Variants in ANKRD36 observed in about 807,000 individuals in gnomAD.
ANKRD36 encodes the protein ankyrin repeat domain-containing protein 36A.
A neutral mutation model predicts 278.1 loss-of-function variants in ANKRD36; 179 were observed. The observed-to-expected ratio is 0.64, with a 90% confidence interval of 0.57 to 0.73. The LOEUF is 0.73. Among genes scored for constraint, ANKRD36 ranks in the 30% least tolerant of loss-of-function variants. ANKRD36 has a pLI of 0.00. For synonymous variants in ANKRD36, 320 were observed against 641.1 expected, an observed-to-expected ratio of 0.50 and a Z score of 7.57; for missense variants, 1,159 against 1,956.7, an observed-to-expected ratio of 0.59 and a Z score of 7.69.
Position 97,149,278 on chromosome 2 carries a change from AT to A in ANKRD36, c.1035-16del. On this transcript the variant is annotated splice_polypyrimidine_tract_variant and intron_variant, in intron 11 of 75. Transcript: ENST00000420699. ...AAATGAATGAGCTCATTTTTGTAAT[AT>A]CTTTTTGCTCTGTAGGAGTCTCTAC... 6.5e-7 allele frequency: 1 copy of A among 1,530,892 alleles called. No individual in the cohort carries two copies. The allele number at this position is 1,530,892 out of a possible 1,614,324, so 94.8% of individuals were successfully genotyped here.
intron 36 of ANKRD36, among the ~76,000 whole-genome samples, chr2:97,192,485 A>G (rs1446592111): frequency 6.6e-6 from 1 of 151,708 alleles, no homozygotes; most frequent in African/African-American, 2.4e-5. Flanking sequence ...TGTTGCATGA[A>G]AGACATGTGG....
chr2:97,164,863 C>T lies in ANKRD36; in HGVS notation c.1531+394C>T, dbSNP rs549294726. ...CTTTACAATTGTTTTAGAACTTCAA[C>T]GCCTTTATTTCAGCGTTGTTACATT... is the stretch of plus-strand genomic sequence containing the variant. On this transcript the variant is annotated intron_variant, in intron 20 of 75. Transcript: ENST00000420699. Among the ~76,000 whole-genome samples the T allele has an allele frequency of 1.7e-3, 256 of 152,102 alleles. 7 individuals are homozygous for T. The South Asian group carries it at 0.042, about 25-fold the overall frequency.
intron 24 of ANKRD36, 144 bp from the exon 25 acceptor site, chr2:97,181,454 C>T (rs1201970739): frequency 1.7e-5 from 16 of 959,378 alleles, no homozygotes; most frequent in Non-Finnish European, 2.4e-5. Flanking sequence ...TGTCATGTTC[C>T]AGTCTCCAGA....
chr2:97,208,483 G>A (rs1430684409), intron 54 of ANKRD36, among the ~76,000 whole-genome samples: 1 of 146,426 alleles, frequency 6.8e-6, no homozygotes, highest in African/African-American at 2.7e-5. Context: ...AGGAAGGTGT[G>A]AAAAGAGGAA....
intron 6 of ANKRD36, among the ~76,000 whole-genome samples, chr2:97,132,407 A>T (rs2040412107): frequency 6.6e-6 from 1 of 150,888 alleles, no homozygotes. Flanking sequence ...TTAATCATCC[A>T]TATTCTCAAA....
chr2:97,256,832 TTG>T (rs1340492726), intron 75 of ANKRD36, among the ~76,000 whole-genome samples: 1 of 141,472 alleles, frequency 7.1e-6, no homozygotes, highest in Non-Finnish European at 1.5e-5. Flanking sequence ...GTTTTCATTT[TTG>T]TGTGTCTTAA....
At chr2:97,262,735 A>G (rs2076854449) in intron 75 of ANKRD36, among the ~76,000 whole-genome samples, 1 of 131,836 alleles carries the variant, frequency 7.6e-6, no homozygotes, top group African/African-American at 3.1e-5. Flanking sequence ...TTCTCACTGC[A>G]TTACACGAAA....
chr2:97,122,926 A>G lies in ANKRD36; in HGVS notation c.526A>G (p.Lys176Glu). ...ACTGTTATTTGCTGTGAGTCGAAGA[A>G]AAGTGAAAATGGTGGAATTTTTATT... is the stretch of plus-strand genomic sequence containing the variant. ...QPLLFAVSRR[K>E]VKMVEFLLKK... Residue 176 changes from lysine to glutamate, a missense_variant, in exon 4 of 76, where the codon AAA (lysine) becomes GAA (glutamate). Coordinates refer to ENST00000420699, the MANE Select transcript of ANKRD36 (RefSeq NM_001354587.1). The G allele has an allele frequency of 3.2e-6, 5 of 1,544,930 alleles. No homozygotes were observed. The highest frequency in any genetic ancestry group is 4.4e-6 in the Non-Finnish European group (5 of 1,143,050).
chr2:97,129,550 C>T (rs1026948640), intron 6 of ANKRD36, among the ~76,000 whole-genome samples: 1 of 152,034 alleles, frequency 6.6e-6, no homozygotes, highest in African/African-American at 2.4e-5. Context: ...CTTGCCCATG[C>T]CTATGTCCTG....
chr2:97,194,827 G>C lies in ANKRD36; in HGVS notation c.2479-18G>C. 2 of 1,598,402 alleles carry C rather than the reference G, an allele frequency of 1.3e-6. No homozygotes were observed. Among genetic ancestry groups the C allele is most frequent in the Middle Eastern group, 2.3e-4 (1 of 4,408 alleles). On this transcript the variant is annotated intron_variant, in intron 39 of 75. Coordinates refer to ENST00000420699, the MANE Select transcript of ANKRD36 (RefSeq NM_001354587.1). ...TGAAACATACCTTATTTATTATTTT[G>C]TTTCAAATTCCACTCAGGCTACAAG... is the stretch of plus-strand genomic sequence containing the variant.
intron 4 of ANKRD36, among the ~76,000 whole-genome samples, chr2:97,123,992 C>G (rs2037808849): frequency 6.8e-6 from 1 of 146,602 alleles, no homozygotes; most frequent in African/African-American, 2.5e-5. Flanking sequence ...AATTAAATGC[C>G]TATCACACGC....
At position 97,207,809 on chromosome 2, in the gene ANKRD36, A is replaced by G; in HGVS notation, c.3164-2A>G. ...TGATTATGAATCCCTTTTACTTTTCAGTGTCTTCTGAGAAACCATCAGGCT... is the reference window on the plus strand; with the variant it reads ...TGATTATGAATCCCTTTTACTTTTCGGTGTCTTCTGAGAAACCATCAGGCT... On this transcript the variant is annotated splice_acceptor_variant, in intron 52 of 75. Coordinates refer to ENST00000420699, the MANE Select transcript of ANKRD36 (RefSeq NM_001354587.1). LOFTEE classifies it high-confidence loss of function. 1.3e-6 allele frequency: 2 copies of G among 1,546,334 alleles called. No individual in the cohort carries two copies. Among genetic ancestry groups the G allele is most frequent in the Non-Finnish European group, 8.7e-7 (1 of 1,144,380 alleles).
chr2:97,202,277 A>C (rs770414766), intron 47 of ANKRD36, 44 bp from the exon 48 acceptor site: 88 of 1,603,552 alleles, frequency 5.5e-5, no homozygotes, highest in Non-Finnish European at 7.0e-5. Flanking sequence ...TGTATGGTCT[A>C]TGAAACATAC....
At chr2:97,178,423 C>G (rs1298999332) in intron 22 of ANKRD36, among the ~76,000 whole-genome samples, 3 of 151,814 alleles carry the variant, frequency 2.0e-5, no homozygotes, top group Non-Finnish European at 4.4e-5. Flanking sequence ...GACTTGGAAC[C>G]AACCCAAATG....
chr2:97,221,586 G>T (rs1177756389), intron 66 of ANKRD36, among the ~76,000 whole-genome samples: 1 of 143,306 alleles, frequency 7.0e-6, no homozygotes, highest in Non-Finnish European at 1.5e-5. Context: ...CTTTTGAGAA[G>T]TGTCTGTTCA....
chr2:97,178,586 C>A (rs2055092386), intron 22 of ANKRD36, among the ~76,000 whole-genome samples: 1 of 149,792 alleles, frequency 6.7e-6, no homozygotes, highest in Non-Finnish European at 1.5e-5. Flanking sequence ...AAACAAAAAA[C>A]CAAACACCGC....
At chr2:97,123,020 G>C (rs368158747) in intron 4 of ANKRD36, 27 bp downstream of exon 4, 9 of 1,493,060 alleles carry the variant, frequency 6.0e-6, no homozygotes, top group Non-Finnish European at 8.1e-6. Flanking sequence ...TTATTGTGTC[G>C]TTTTTAAACC....
At chr2:97,114,125 G>A (rs1278463775) in intron 1 of ANKRD36, among the ~76,000 whole-genome samples, 189 bp downstream of exon 1, 2 of 129,140 alleles carry the variant, frequency 1.5e-5, no homozygotes, top group African/African-American at 6.2e-5. Context: ...GGGTGGCGGG[G>A]TGTGGAGTGA....
In ANKRD36 at chr2:97,198,654, G is replaced by C; in HGVS notation, c.2751G>C (p.Lys917Asn). The C allele has an allele frequency of 6.5e-7, 1 of 1,541,930 alleles. No individual in the cohort carries two copies. The highest frequency in any genetic ancestry group is 8.8e-7 in the Non-Finnish European group (1 of 1,140,802). ...ARGKKDGEKT[K>N]RVSSRKKPSL... ...GAAAAAAGGATGGAGAAAAAACTAA[G>C]AGAGGTAATTTTGAAAAGAGATTTA... Residue 917 changes from lysine to asparagine, a missense_variant, in exon 44 of 76, where the codon AAG becomes AAC. Physicochemically the swap from Lys to Asn is moderately conservative, Grantham distance 94. Coordinates refer to ENST00000420699, the MANE Select transcript of ANKRD36 (RefSeq NM_001354587.1).
Sources: allele counts gnomAD v4.1 joint callset (sites outside exome capture counted in the v4.1 genomes callset), GRCh38; gene constraint gnomAD v4.1.1; transcripts MANE v1.5; gene names NCBI Gene and HGNC (gene_info 2026-07-23, HGNC 2026-07-21).